Variants in PSMD1 observed in about 807,000 individuals in gnomAD.
The protein encoded by PSMD1 is proteasome 26S subunit, non-ATPase 1.
PSMD1 carries 18 observed loss-of-function variants against 119.0 expected under a neutral mutation model. That is an observed-to-expected ratio of 0.15 (90% confidence interval 0.10 to 0.22). The LOEUF (loss-of-function observed/expected upper bound fraction) is 0.22, where lower values mean the gene tolerates loss of function less well. Ranked by LOEUF, PSMD1 falls within the 10% of genes least tolerant of loss-of-function variation. The probability of loss-of-function intolerance (pLI) is 1.00; values close to 1 mark genes in which losing one functional copy is unlikely to be tolerated. For synonymous variants in PSMD1, 374 were observed against 396.6 expected (o/e 0.94, Z 0.68); for missense variants, 702 against 1,158.5 (o/e 0.61, Z 5.72).
At chr2:231,133,937 G>A (rs1340880771) in intron 16 of PSMD1, among the ~76,000 whole-genome samples, 1 of 152,160 alleles carries the variant, frequency 6.6e-6, no homozygotes, top group Non-Finnish European at 1.5e-5. Flanking sequence ...CTCTGTGGAA[G>A]GCTTGTACAA....
intron 16 of PSMD1, among the ~76,000 whole-genome samples, chr2:231,121,951 G>A (rs1695557963): frequency 6.6e-6 from 1 of 151,234 alleles, no homozygotes; most frequent in South Asian, 2.1e-4. Flanking sequence ...GGAGATGAGA[G>A]CTAGAATCAT....
chr2:231,083,348 T>C (rs1374046020), intron 13 of PSMD1, among the ~76,000 whole-genome samples: 1 of 152,168 alleles, frequency 6.6e-6, no homozygotes, highest in African/African-American at 2.4e-5. Flanking sequence ...TCTGTCAAAG[T>C]TTAAAAGGAA....
chr2:231,061,241 A>G (rs1490595100), intron 1 of PSMD1, 26 bp from the exon 2 acceptor site: 2 of 1,557,826 alleles, frequency 1.3e-6, no homozygotes, highest in Non-Finnish European at 1.8e-6. Flanking sequence ...GTGTTTCATA[A>G]TCATGTTACA....
chr2:231,138,035 T>C, intron 16 of PSMD1, among the ~76,000 whole-genome samples: 1 of 152,194 alleles, frequency 6.6e-6, no homozygotes. Context: ...CAGAAGCTCT[T>C]CTTACATTCT....
At chr2:231,091,337 G>T (rs144678546) in intron 16 of PSMD1, among the ~76,000 whole-genome samples, 28 of 152,262 alleles carry the variant, frequency 1.8e-4, no homozygotes, top group Admixed American at 7.2e-4. Flanking sequence ...GCTCTTAAGA[G>T]AATTTAACTG....
At chr2:231,136,893 A>G (rs1695977170) in intron 16 of PSMD1, among the ~76,000 whole-genome samples, 1 of 148,522 alleles carries the variant, frequency 6.7e-6, no homozygotes, top group Non-Finnish European at 1.5e-5. Context: ...CTTAGCATTC[A>G]TATCTTAGGT....
intron 16 of PSMD1, among the ~76,000 whole-genome samples, chr2:231,120,038 G>T (rs898017077): frequency 6.7e-6 from 1 of 148,682 alleles, no homozygotes; most frequent in African/African-American, 2.5e-5. Context: ...CTGCAACTCT[G>T]TCTTCCGGGT....
chr2:231,147,232 C>A (rs187781180), intron 18 of PSMD1, among the ~76,000 whole-genome samples: 1 of 152,330 alleles, frequency 6.6e-6, no homozygotes, highest in East Asian at 1.9e-4. Context: ...GTGGTTCATT[C>A]CTATAATCCC....
chr2:231,109,463 C>A (rs142505353), intron 16 of PSMD1: 2 of 1,427,962 alleles, frequency 1.4e-6, no homozygotes, highest in Non-Finnish European at 2.0e-6. Flanking sequence ...TGTAACTCTT[C>A]GATTAGATCC....
chr2:231,077,282 GTATT>G lies in PSMD1; in HGVS notation c.1071+123_1071+126del, dbSNP rs1694191564. On this transcript the variant is annotated intron_variant, in intron 9 of 24. Transcript: ENST00000308696. ...TATTTTATTTCCAATTAAGGAAAAA[GTATT>G]TAAGTTTTGAAAAAATAGCAATCAA... 2.9e-5 allele frequency: 24 copies of G among 837,046 alleles called. No individual in the cohort carries two copies. The South Asian group carries it at 6.8e-4, about 24-fold the overall frequency. The allele number at this position is 837,046 out of a possible 1,614,324, so 51.9% of individuals were successfully genotyped here. A position where few individuals can be genotyped will look rare whatever the true frequency, so the allele number is the denominator to read the frequency against.
chr2:231,118,774 C>T (rs1350683059), intron 16 of PSMD1, among the ~76,000 whole-genome samples: 1 of 152,130 alleles, frequency 6.6e-6, no homozygotes, highest in African/African-American at 2.4e-5. Context: ...AAATCTGGGA[C>T]ATAAAATGTT....
At chr2:231,092,673 T>C (rs1231633609) in intron 16 of PSMD1, among the ~76,000 whole-genome samples, 1 of 152,172 alleles carries the variant, frequency 6.6e-6, no homozygotes, top group African/African-American at 2.4e-5. Flanking sequence ...CAAGTGTCAG[T>C]GGGGGCTCTA....
chr2:231,143,308 G>C (rs1232278387), intron 17 of PSMD1, among the ~76,000 whole-genome samples: 8 of 151,854 alleles, frequency 5.3e-5, no homozygotes, highest in Non-Finnish European at 7.4e-5. Flanking sequence ...CGGCTCACTG[G>C]AACCTCCACC....
intron 24 of PSMD1, among the ~76,000 whole-genome samples, chr2:231,171,549 ATTTTTTT>A (rs568576394): frequency 1.7e-5 from 2 of 117,274 alleles, no homozygotes; most frequent in Non-Finnish European, 3.5e-5. Flanking sequence ...TTTTCAGACA[ATTTTTTT>A]TTTTTTTTTT....
intron 16 of PSMD1, chr2:231,109,005 G>A (rs1337433486): frequency 6.2e-7 from 1 of 1,614,200 alleles, no homozygotes; most frequent in Non-Finnish European, 8.5e-7. Flanking sequence ...GAGGCTCTCT[G>A]TTCGTTGGAA....
At chr2:231,087,442 A>G (rs1178313948) in intron 16 of PSMD1, among the ~76,000 whole-genome samples, 1 of 152,204 alleles carries the variant, frequency 6.6e-6, no homozygotes, top group Non-Finnish European at 1.5e-5. Context: ...CTGCTTATTC[A>G]TTTAACTTTT....
chr2:231,119,869 CAAAAAA>C (rs78246469), intron 16 of PSMD1, among the ~76,000 whole-genome samples: 1 of 80,056 alleles, frequency 1.2e-5, no homozygotes. Flanking sequence ...GACTCCGTCT[CAAAAAA>C]AAAAAAAAAA....
chr2:231,126,232 C>T (rs1695715350), intron 16 of PSMD1, among the ~76,000 whole-genome samples: 2 of 152,012 alleles, frequency 1.3e-5, no homozygotes, highest in African/African-American at 4.8e-5. Context: ...AACCCCATCT[C>T]TACAAAAAAA....
At chr2:231,115,190 C>CAA (rs779451668) in intron 16 of PSMD1, among the ~76,000 whole-genome samples, 1 of 124,616 alleles carries the variant, frequency 8.0e-6, no homozygotes, top group East Asian at 2.3e-4. Context: ...AATCTCAGAC[C>CAA]AAAAAAAAAA....
Sources: allele counts gnomAD v4.1 joint callset (sites outside exome capture counted in the v4.1 genomes callset), GRCh38; gene constraint gnomAD v4.1.1; transcripts MANE v1.5; gene names NCBI Gene and HGNC (gene_info 2026-07-23, HGNC 2026-07-21).